CCNY: variants seen among roughly 807,000 people sequenced by gnomAD.
CCNY encodes cyclin-Y.
CCNY carries 19 observed loss-of-function variants against 42.8 expected under a neutral mutation model. The observed-to-expected ratio is 0.44, with a 90% CI of 0.31 to 0.65. The LOEUF (loss-of-function observed/expected upper bound fraction) is 0.65. Among genes scored for constraint, CCNY ranks in the 30% least tolerant of loss-of-function variants. The pLI is 0.07. For missense variants in CCNY, 370 were observed against 437.3 expected, an observed-to-expected ratio of 0.85 and a Z score of 1.37; for synonymous variants, 165 against 162.7, an observed-to-expected ratio of 1.01 and a Z score of -0.11.
chr10:35,387,251 T>C (rs192619715), intron 1 of CCNY, among the ~76,000 whole-genome samples: 3 of 152,300 alleles, frequency 2.0e-5, no homozygotes, highest in African/African-American at 7.2e-5. Flanking sequence ...GCCAGTGAGA[T>C]AGTCCTTTTC....
rs192133868 is a variant in CCNY, at chr10:35,362,720, G to A, written c.154+25513G>A. On this transcript the variant is annotated intron_variant, in intron 1 of 9. Transcript: ENST00000374704. ...GGAGGGTTGCACAGCAGCCAGAGGC[G>A]CTCCTCACTTCCCAGACGGGGCTGC... is the stretch of plus-strand genomic sequence containing the variant. Among the ~76,000 whole-genome samples the A allele has an allele frequency of 9.9e-5, 15 of 152,284 alleles. No individual in the cohort carries two copies. The South Asian group carries it at 1.5e-3, about 15-fold the overall frequency.
At chr10:35,512,330 A>T (rs570750779) in intron 3 of CCNY, among the ~76,000 whole-genome samples, 1 of 152,232 alleles carries the variant, frequency 6.6e-6, no homozygotes, top group Admixed American at 6.5e-5. Flanking sequence ...GACCCAACAG[A>T]GGGGAGAAGG....
chr10:35,491,122 C>T (rs1463206511), intron 2 of CCNY, among the ~76,000 whole-genome samples: 1 of 152,146 alleles, frequency 6.6e-6, no homozygotes, highest in Non-Finnish European at 1.5e-5. Context: ...GCTGCCCATG[C>T]CCTTGCCAAC....
At chr10:35,362,987 G>T (rs1836723163) in intron 1 of CCNY, among the ~76,000 whole-genome samples, 1 of 151,794 alleles carries the variant, frequency 6.6e-6, no homozygotes, top group East Asian at 1.9e-4. Flanking sequence ...AGACAGGGCG[G>T]CGGCCGGGCG....
At chr10:35,263,513 C>G (rs572324860) in intron 3 of CCNY, among the ~76,000 whole-genome samples, 1 of 151,312 alleles carries the variant, frequency 6.6e-6, no homozygotes, top group East Asian at 1.9e-4. Context: ...CGTACTCCAG[C>G]CTCAGTGGCA....
chr10:35,294,588 C>A (rs1157404145), intron 3 of CCNY, among the ~76,000 whole-genome samples: 1 of 152,144 alleles, frequency 6.6e-6, no homozygotes, highest in Non-Finnish European at 1.5e-5. Context: ...GTTAAACCAC[C>A]TTTGCATTTC....
chr10:35,535,615 C>A (rs987417254), intron 7 of CCNY, among the ~76,000 whole-genome samples: 3 of 152,140 alleles, frequency 2.0e-5, no homozygotes, highest in African/African-American at 7.2e-5. Context: ...CCTGAAGATT[C>A]AGCCAACTGT....
At chr10:35,417,303 G>A (rs749763310) in intron 1 of CCNY, among the ~76,000 whole-genome samples, 14 of 152,176 alleles carry the variant, frequency 9.2e-5, no homozygotes, top group Non-Finnish European at 1.8e-4. Context: ...AGGACAAGCC[G>A]ATCCCATTAG....
intron 7 of CCNY, among the ~76,000 whole-genome samples, chr10:35,534,999 A>ATGTGTGTGTGTG (rs59534409): frequency 2.2e-4 from 29 of 133,572 alleles, no homozygotes; most frequent in Middle Eastern, 4.1e-3. Context: ...ATCTATATAT[A>ATGTGTGTGTGTG]TGTGTGTGTG....
intron 3 of CCNY, among the ~76,000 whole-genome samples, chr10:35,312,752 T>C (rs1183105128): frequency 6.7e-6 from 1 of 148,438 alleles, no homozygotes; most frequent in Non-Finnish European, 1.5e-5. Flanking sequence ...TTTTACTTTT[T>C]TTTTTTTTTT....
At chr10:35,532,464 A>G (rs1039533754) in intron 7 of CCNY, among the ~76,000 whole-genome samples, 1 of 152,180 alleles carries the variant, frequency 6.6e-6, no homozygotes, top group Non-Finnish European at 1.5e-5. Flanking sequence ...CCCTTCAAAC[A>G]CCCAAACCTA....
At chr10:35,434,047 G>A (rs977524200) in intron 1 of CCNY, 2 of 152,222 alleles carry the variant, frequency 1.3e-5, no homozygotes, top group African/African-American at 4.8e-5. Context: ...CAGGGAAGGG[G>A]AGCAAGAGCC....
intron 3 of CCNY, among the ~76,000 whole-genome samples, chr10:35,252,393 G>A (rs1361280473): frequency 6.6e-6 from 1 of 151,774 alleles, no homozygotes; most frequent in African/African-American, 2.4e-5. Context: ...GTGAAACCCC[G>A]TCTCTACTAA....
chr10:35,342,025 T>G (rs1433372958), intron 1 of CCNY, among the ~76,000 whole-genome samples: 1 of 152,178 alleles, frequency 6.6e-6, no homozygotes, highest in Non-Finnish European at 1.5e-5. Flanking sequence ...TATGTTGATT[T>G]TCTTGTCTGA....
At chr10:35,302,548 C>T (rs913875487) in intron 3 of CCNY, among the ~76,000 whole-genome samples, 5 of 151,742 alleles carry the variant, frequency 3.3e-5, no homozygotes, top group Non-Finnish European at 7.4e-5. Context: ...TGACCTCAGG[C>T]GATCCACTTG....
intron 1 of CCNY, among the ~76,000 whole-genome samples, chr10:35,461,149 A>G (rs997298218): frequency 1.3e-5 from 2 of 152,172 alleles, no homozygotes; most frequent in Non-Finnish European, 2.9e-5. Flanking sequence ...CACTTTCCAT[A>G]TCCTGTGCCT....
In CCNY at chr10:35,493,105, A is replaced by G. The variant is rs868255130; in HGVS notation, c.230-8396A>G. Among the ~76,000 whole-genome samples the G allele has an allele frequency of 2.0e-5, 3 of 152,110 alleles. No homozygotes were observed. In the South Asian group the frequency reaches 6.2e-4, roughly 32 times the overall value. ...CTTGGGTGCATCACCTGACTCCAGT[A>G]TTTCATCCCTTGGGCTTTCCAGTGT... On this transcript the variant is annotated intron_variant, in intron 2 of 9. Transcript: ENST00000374704.
At chr10:35,465,542 G>A (rs1434683064) in intron 1 of CCNY, among the ~76,000 whole-genome samples, 1 of 152,152 alleles carries the variant, frequency 6.6e-6, no homozygotes, top group Non-Finnish European at 1.5e-5. Context: ...CTCAGGAAAA[G>A]TACAACTTCT....
At chr10:35,375,068 A>ATT (rs370443433) in intron 1 of CCNY, among the ~76,000 whole-genome samples, 2 of 148,390 alleles carry the variant, frequency 1.3e-5, no homozygotes, top group African/African-American at 4.9e-5. Context: ...TTTAAAGTAC[A>ATT]TTTTTTTTTT....
Sources: allele counts gnomAD v4.1 joint callset (sites outside exome capture counted in the v4.1 genomes callset), GRCh38; gene constraint gnomAD v4.1.1; transcripts MANE v1.5; gene names NCBI Gene and HGNC (gene_info 2026-07-23, HGNC 2026-07-21).